The following ZNF385B variants were observed in gnomAD, a reference collection of about 807,000 sequenced individuals.
ZNF385B encodes the protein zinc finger protein 533.
In ZNF385B, 23 loss-of-function variants were observed where a neutral mutation model predicts 39.2. The ratio of observed to expected loss-of-function variants is 0.59; its 90% confidence interval spans 0.42 to 0.83. The LOEUF (loss-of-function observed/expected upper bound fraction) is 0.83. Ranked by LOEUF, ZNF385B falls within the 40% of genes least tolerant of loss-of-function variation. The probability of loss-of-function intolerance (pLI) is 0.00; values close to 1 mark genes in which losing one functional copy is unlikely to be tolerated. For synonymous variants in ZNF385B, 205 were observed against 222.6 expected, an observed-to-expected ratio of 0.92 and a Z score of 0.70; for missense variants, 552 against 598.9, an observed-to-expected ratio of 0.92 and a Z score of 0.82.
chr2:179,541,640 A>C (rs949867293), intron 4 of ZNF385B, among the ~76,000 whole-genome samples: 1 of 152,238 alleles, frequency 6.6e-6, no homozygotes, highest in African/African-American at 2.4e-5. Flanking sequence ...GAACAAGTGG[A>C]CAATTGAGTA....
chr2:179,637,699 G>A (rs1234383272), intron 3 of ZNF385B, among the ~76,000 whole-genome samples: 1 of 125,362 alleles, frequency 8.0e-6, no homozygotes, highest in African/African-American at 3.0e-5. Flanking sequence ...ACTTGACCTG[G>A]TTGCAACTAG....
At chr2:179,739,520 A>G (rs1169099541) in intron 3 of ZNF385B, among the ~76,000 whole-genome samples, 1 of 152,214 alleles carries the variant, frequency 6.6e-6, no homozygotes, top group Non-Finnish European at 1.5e-5. Context: ...AGTCTTAGCT[A>G]TCGTGTTTTC....
intron 3 of ZNF385B, among the ~76,000 whole-genome samples, chr2:179,748,085 A>C (rs1487433955): frequency 6.6e-6 from 1 of 152,138 alleles, no homozygotes; most frequent in East Asian, 1.9e-4. Flanking sequence ...ATGGTACCTA[A>C]GCAGATGTTC....
intron 1 of ZNF385B, among the ~76,000 whole-genome samples, chr2:179,780,173 A>T (rs1382896795): frequency 2.0e-5 from 3 of 152,126 alleles, no homozygotes; most frequent in Non-Finnish European, 4.4e-5. Flanking sequence ...CCACCAACAG[A>T]CTTTACCCTG....
At position 179,664,059 on chromosome 2, in the gene ZNF385B, T is replaced by A. The variant is rs200626766; in HGVS notation, c.298+105444A>T. Reference sequence around the variant, plus strand: ...ATTATAAATAGTTTTAAGTAAAAAATATTTTTTTTTTTTCAAAAAAGCAAG... The same window carrying A: ...ATTATAAATAGTTTTAAGTAAAAAAAATTTTTTTTTTTTCAAAAAAGCAAG... On this transcript the variant is annotated intron_variant, in intron 3 of 9. Coordinates refer to ENST00000410066, the MANE Select transcript of ZNF385B (RefSeq NM_152520.6). 5.4e-5 allele frequency among the ~76,000 whole-genome samples: 7 copies of A among 128,810 alleles called. No homozygotes were observed. The East Asian group carries it at 1.4e-3, about 26-fold the overall frequency. The allele number at this position is 128,810 out of a possible 152,430, so 84.5% of individuals were successfully genotyped here. A position where few individuals can be genotyped will look rare whatever the true frequency, so the allele number is the denominator to read the frequency against.
In ZNF385B at chr2:179,769,559, C is replaced by G. The variant is rs1251249375; in HGVS notation, c.242G>C (p.Ser81Thr). The change falls in exon 3 of 10, where the codon AGT (serine) becomes ACT (threonine). Residue 81 changes from serine to threonine, a missense_variant. Transcript: ENST00000410066. ...GGCGGGTGGTGGGGGCTGCCCATCA[C>G]TCAGCTGCTTCACTCGTTTGCGGTG... Reference protein sequence around the residue: ...KSHRKRVKQLSDGQPPPPAQA... With the variant: ...KSHRKRVKQLTDGQPPPPAQA... 5 of 1,614,192 alleles carry G rather than the reference C, an allele frequency of 3.1e-6. No individual in the cohort carries two copies. The highest frequency in any genetic ancestry group is 1.1e-5 in the South Asian group (1 of 91,076).
intron 3 of ZNF385B, among the ~76,000 whole-genome samples, chr2:179,604,266 A>G (rs2106111813): frequency 6.6e-6 from 1 of 152,286 alleles, no homozygotes; most frequent in South Asian, 2.1e-4. Flanking sequence ...AGCTGACTGG[A>G]AAAAGCAAAA....
chr2:179,818,738 C>T (rs1707221746), intron 1 of ZNF385B, among the ~76,000 whole-genome samples: 1 of 152,130 alleles, frequency 6.6e-6, no homozygotes, highest in African/African-American at 2.4e-5. Context: ...TAGGAGGAAA[C>T]ACATCACACA....
intron 6 of ZNF385B, among the ~76,000 whole-genome samples, chr2:179,466,010 A>G (rs1312750522): frequency 6.6e-6 from 1 of 152,246 alleles, no homozygotes; most frequent in Non-Finnish European, 1.5e-5. Flanking sequence ...AAATATAAGA[A>G]AAATTCACTG....
At chr2:179,605,701 A>T (rs1366445485) in intron 3 of ZNF385B, among the ~76,000 whole-genome samples, 3 of 152,304 alleles carry the variant, frequency 2.0e-5, no homozygotes, top group African/African-American at 7.2e-5. Flanking sequence ...TATTTTCATA[A>T]ATTATCATGT....
In ZNF385B at chr2:179,554,779, T is replaced by C. The variant is rs563157170; in HGVS notation, c.299-9810A>G. On this transcript the variant is annotated intron_variant, in intron 3 of 9. Transcript: ENST00000410066. The stretch of plus-strand genomic sequence containing the variant: ...AACTTCATTAGTAGTTAGGAATATG[T>C]GAATTACAACTACAATGAGGTATCA... Among the ~76,000 whole-genome samples the C allele has an allele frequency of 8.7e-4, 130 of 149,348 alleles. 18 individuals carry two copies. The highest frequency in any genetic ancestry group is 3.2e-3 in the African/African-American group (129 of 39,710).
intron 3 of ZNF385B, among the ~76,000 whole-genome samples, chr2:179,549,917 T>TCTCAGC (rs1374770301): frequency 6.7e-6 from 1 of 148,990 alleles, no homozygotes; most frequent in Non-Finnish European, 1.5e-5. Context: ...AATACTCTGA[T>TCTCAGC]CTCAGCCTGT....
At chr2:179,493,238 G>A (rs563967539) in intron 5 of ZNF385B, among the ~76,000 whole-genome samples, 3 of 152,110 alleles carry the variant, frequency 2.0e-5, no homozygotes, top group Non-Finnish European at 4.4e-5. Context: ...TGTTTCAGAA[G>A]ACATGCTTTG....
chr2:179,499,033 A>G (rs977253417), intron 5 of ZNF385B, among the ~76,000 whole-genome samples: 1 of 151,964 alleles, frequency 6.6e-6, no homozygotes, highest in African/African-American at 2.4e-5. Flanking sequence ...AGTGGCTACT[A>G]TAAGAAACTA....
Position 179,762,557 on chromosome 2 carries a change from T to C in ZNF385B, c.298+6946A>G, listed in dbSNP as rs1703466253. Among the ~76,000 whole-genome samples the C allele has an allele frequency of 2.0e-5, 3 of 152,206 alleles. No homozygotes were observed. In the South Asian group the frequency reaches 6.2e-4, roughly 32 times the overall value. ...ACCTGGAATAAATCCCACTTAGTTA[T>C]GGTATATAATTCTTTTGATACATTG... On this transcript the variant is annotated intron_variant, in intron 3 of 9. Coordinates refer to ENST00000410066, the MANE Select transcript of ZNF385B (RefSeq NM_152520.6).
chr2:179,700,120 C>G (rs561417899), intron 3 of ZNF385B, among the ~76,000 whole-genome samples: 1 of 151,538 alleles, frequency 6.6e-6, no homozygotes, highest in East Asian at 1.9e-4. Flanking sequence ...CCATTTTCAT[C>G]AAAAAAGCCT....
At chr2:179,566,194 T>A (rs575870434) in intron 3 of ZNF385B, among the ~76,000 whole-genome samples, 9 of 152,338 alleles carry the variant, frequency 5.9e-5, no homozygotes, top group African/African-American at 2.2e-4. Context: ...ATTATGAGAA[T>A]TACAGAAACA....
rs569913259 is a variant in ZNF385B at position 179,789,607 on chromosome 2, A to G, written c.-154-18935T>C. 5.3e-5 allele frequency among the ~76,000 whole-genome samples: 8 copies of G among 152,308 alleles called. No homozygotes were observed. In the South Asian group the frequency reaches 1.5e-3, roughly 28 times the overall value. On this transcript the variant is annotated intron_variant, in intron 1 of 9. Transcript: ENST00000410066. ...AAGCAAAATTTAAATGGTATTATACAACCAAGAAAAATTGAGAGGACTGTA... is the reference window on the plus strand; with the variant it reads ...AAGCAAAATTTAAATGGTATTATACGACCAAGAAAAATTGAGAGGACTGTA...
At chr2:179,518,267 T>C (rs1487440929) in intron 5 of ZNF385B, among the ~76,000 whole-genome samples, 1 of 152,188 alleles carries the variant, frequency 6.6e-6, no homozygotes, top group East Asian at 1.9e-4. Flanking sequence ...TGTTGTAATG[T>C]TATTCTAAAA....
Sources: gnomAD v4.1 joint callset for allele counts (sites outside exome capture counted in the v4.1 genomes callset) on GRCh38, gnomAD v4.1.1 for gene constraint, MANE v1.5 for transcripts, NCBI Gene and HGNC (gene_info 2026-07-23, HGNC 2026-07-21) for gene names.